Variants in LARP1B observed in about 807,000 individuals in gnomAD.
LARP1B encodes la-related protein 1B.
Under a neutral mutation model 114.2 loss-of-function variants are expected in LARP1B, and 76 were observed. The ratio of observed to expected loss-of-function variants is 0.67; its 90% CI spans 0.55 to 0.81. The LOEUF (loss-of-function observed/expected upper bound fraction) is 0.81, where lower values mean the gene tolerates loss of function less well. Among genes scored for constraint, LARP1B ranks in the 30% least tolerant of loss-of-function variants. The pLI, the probability that LARP1B is intolerant of heterozygous loss-of-function variation, is 0.00. For synonymous variants in LARP1B, 345 were observed against 348.0 expected (o/e 0.99, Z 0.10); for missense variants, 1,014 against 1,075.8 (o/e 0.94, Z 0.80).
At chr4:128,129,388 A>T in intron 11 of LARP1B, among the ~76,000 whole-genome samples, 1 of 151,716 alleles carries the variant, frequency 6.6e-6, no homozygotes, top group East Asian at 1.9e-4. Flanking sequence ...AAATCGAGAA[A>T]CATTCCTTGT....
chr4:128,083,358 G>A (rs1164589388), intron 5 of LARP1B, among the ~76,000 whole-genome samples: 14 of 151,970 alleles, frequency 9.2e-5, no homozygotes, highest in Admixed American at 3.3e-4. Context: ...GGTGGTGGCC[G>A]GGCAGAGGGG....
At chr4:128,206,364 T>C in intron 17 of LARP1B, 64 bp from the exon 18 acceptor site, 1 of 890,312 alleles carries the variant, frequency 1.1e-6, no homozygotes, top group East Asian at 2.8e-5. Context: ...TGTTTGCTTA[T>C]ATTGATGTTA....
intron 11 of LARP1B, chr4:128,123,095 G>A: frequency 2.0e-6 from 2 of 985,440 alleles, no homozygotes; most frequent in African/African-American, 1.7e-5. Flanking sequence ...AGAGGGGACT[G>A]CCTGTCGGTG....
intron 8 of LARP1B, among the ~76,000 whole-genome samples, chr4:128,101,600 T>A (rs1163788451): frequency 2.0e-5 from 3 of 147,658 alleles, no homozygotes; most frequent in African/African-American, 7.6e-5. Flanking sequence ...TTAGAGCAAA[T>A]ATTATGATTC....
intron 16 of LARP1B, 40 bp downstream of exon 16, chr4:128,199,639 T>C: frequency 1.9e-6 from 2 of 1,071,164 alleles, no homozygotes; most frequent in East Asian, 6.5e-5. Context: ...ATATTTAAAA[T>C]TAAAATATAA....
At chr4:128,155,984 T>C in intron 11 of LARP1B, 2 of 1,543,126 alleles carry the variant, frequency 1.3e-6, no homozygotes, top group Non-Finnish European at 1.8e-6. Flanking sequence ...TGCCGCCCTG[T>C]ACCTTGTATC....
intron 11 of LARP1B, among the ~76,000 whole-genome samples, chr4:128,148,084 C>A (rs919256185): frequency 2.0e-5 from 3 of 152,148 alleles, no homozygotes; most frequent in African/African-American, 7.2e-5. Context: ...ATTCCTAATT[C>A]TCTTAAATCA....
chr4:128,086,218 G>A (rs1362848119), intron 5 of LARP1B, among the ~76,000 whole-genome samples: 1 of 151,934 alleles, frequency 6.6e-6, no homozygotes, highest in African/African-American at 2.4e-5. Flanking sequence ...CATTAGCCAG[G>A]ATGGTCTTGA....
chr4:128,137,325 C>T (rs995620284), intron 11 of LARP1B, among the ~76,000 whole-genome samples: 24 of 152,154 alleles, frequency 1.6e-4, no homozygotes, highest in African/African-American at 5.8e-4. Context: ...TCAGCTATTA[C>T]AGCTCTGTAT....
At chr4:128,069,249 T>G (rs1201132902) in intron 1 of LARP1B, 3 of 1,014,236 alleles carry the variant, frequency 3.0e-6, no homozygotes, top group Non-Finnish European at 4.6e-6. Context: ...AAAAAACTTG[T>G]ATGTGGAATC....
chr4:128,217,898 T>C (rs1759646565), intron 6 of LARP1B, among the ~76,000 whole-genome samples: 1 of 145,778 alleles, frequency 6.9e-6, no homozygotes, highest in South Asian at 2.3e-4. Context: ...GAAAACCCCA[T>C]CGTCTCAGCC....
At position 128,122,128 on chromosome 4, in the gene LARP1B, A is replaced by G. The variant is rs748998269; in HGVS notation, c.1464A>G (p.Leu488=). 5.6e-6 allele frequency: 9 copies of G among 1,614,000 alleles called. No homozygotes were observed. Among genetic ancestry groups the G allele is most frequent in the Non-Finnish European group, 6.8e-6 (8 of 1,179,976 alleles). ...TTGCTAAAGTTATCAATGATGGCTT[A>G]TACTATTATGAACAGGATCTATGGA... ...SELAKVINDG[L]YYYEQDLWME... The change falls in exon 11 of 20, where the codon TTA becomes TTG. Residue 488 remains leucine (L), a synonymous_variant. Coordinates refer to ENST00000326639, the MANE Select transcript of LARP1B (RefSeq NM_018078.4).
chr4:128,129,816 T>C (rs1790980955), intron 11 of LARP1B, among the ~76,000 whole-genome samples: 1 of 151,620 alleles, frequency 6.6e-6, no homozygotes, highest in Non-Finnish European at 1.5e-5. Context: ...CAGCTGAGCA[T>C]TGAGGTGAAA....
At chr4:128,091,657 TA>T (rs1440919356) in intron 7 of LARP1B, 145 bp downstream of exon 7, 1 of 574,746 alleles carries the variant, frequency 1.7e-6, no homozygotes, top group East Asian at 3.3e-5. Flanking sequence ...AGTGTAGTGG[TA>T]CGATCTTGGC....
intron 8 of LARP1B, among the ~76,000 whole-genome samples, chr4:128,106,273 C>T (rs953562390): frequency 1.9e-4 from 29 of 152,290 alleles, no homozygotes; most frequent in Admixed American, 5.9e-4. Flanking sequence ...CCACCCGCCC[C>T]GGTCTCCCAA....
intron 11 of LARP1B, among the ~76,000 whole-genome samples, chr4:128,142,674 A>T (rs1026044487): frequency 6.6e-6 from 1 of 151,772 alleles, no homozygotes. Context: ...ACACCTGGCT[A>T]ATTTTGTATT....
At chr4:128,200,135 T>G (rs1363858027) in intron 16 of LARP1B, among the ~76,000 whole-genome samples, 4 of 152,168 alleles carry the variant, frequency 2.6e-5, no homozygotes, top group Non-Finnish European at 5.9e-5. Context: ...TATTGAGAGA[T>G]ATTTATAATT....
At chr4:128,074,234 C>A (rs1766924548) in intron 1 of LARP1B, among the ~76,000 whole-genome samples, 1 of 152,298 alleles carries the variant, frequency 6.6e-6, no homozygotes, top group African/African-American at 2.4e-5. Context: ...GCCACCCCGC[C>A]CGGCAACACT....
chr4:128,106,507 C>G (rs1349261562), intron 8 of LARP1B, among the ~76,000 whole-genome samples: 1 of 151,754 alleles, frequency 6.6e-6, no homozygotes, highest in African/African-American at 2.4e-5. Flanking sequence ...TAGTTTGTAT[C>G]TTGAAGAAAT....
Sources: gnomAD v4.1 joint callset for allele counts (sites outside exome capture counted in the v4.1 genomes callset) on GRCh38, gnomAD v4.1.1 for gene constraint, MANE v1.5 for transcripts, NCBI Gene and HGNC (gene_info 2026-07-23, HGNC 2026-07-21) for gene names.